The following AHNAK variants were observed in gnomAD, a reference collection of about 807,000 sequenced individuals.
AHNAK encodes neuroblast differentiation-associated protein AHNAK.
AHNAK carries 23 observed loss-of-function variants against 37.8 expected under a neutral mutation model. The ratio of observed to expected loss-of-function variants is 0.61; its 90% CI spans 0.44 to 0.86. AHNAK has a LOEUF of 0.86. Ranked by LOEUF, AHNAK falls within the 40% of genes least tolerant of loss-of-function variation. The pLI is 0.00. For synonymous variants in AHNAK, 2,481 were observed against 2,636.3 expected (o/e 0.94, Z 1.80); for missense variants, 7,411 against 7,319.4 (o/e 1.01, Z -0.46).
At chr11:62,509,557 A>G (rs11231123) in intron 4 of AHNAK, among the ~76,000 whole-genome samples, 7,536 of 152,104 alleles carry the variant, frequency 0.05, 624 homozygotes, top group African/African-American at 0.17. Flanking sequence ...TCTCAAAAAA[A>G]AAAGAAAGAA....
chr11:62,462,187 C>T (rs1287375375), intron 5 of AHNAK, among the ~76,000 whole-genome samples: 1 of 152,140 alleles, frequency 6.6e-6, no homozygotes, highest in African/African-American at 2.4e-5. Flanking sequence ...AACTTTCCCT[C>T]TCTCACCACA....
At chr11:62,543,477 C>T (rs1342315663) in intron 1 of AHNAK, among the ~76,000 whole-genome samples, 1 of 152,194 alleles carries the variant, frequency 6.6e-6, no homozygotes, top group Non-Finnish European at 1.5e-5. Context: ...GTCACAAGGA[C>T]CTAAAGCCAC....
chr11:62,520,786 A>G lies in AHNAK; in HGVS notation c.13631T>C (p.Leu4544Pro). 3 of 1,613,980 alleles carry G rather than the reference A, an allele frequency of 1.9e-6. No homozygotes were observed. Among genetic ancestry groups the G allele is most frequent in the Non-Finnish European group, 2.5e-6 (3 of 1,179,976 alleles). Residue 4544 changes from leucine to proline, a missense_variant, in exon 5 of 5, where the codon CTG becomes CCG. Transcript: ENST00000378024. Reference sequence around the variant, plus strand: ...TTTGGGACCTTTCAGATCTCCCTCCAGTTTAGGAACGGAAATGTCCATATC... The same window carrying G: ...TTTGGGACCTTTCAGATCTCCCTCCGGTTTAGGAACGGAAATGTCCATATC... ...KGDMDISVPK[L>P]EGDLKGPKVD...
rs147888700 is a variant in AHNAK, at chr11:62,483,238, CT to C, written c.442+8493del. Among the ~76,000 whole-genome samples the C allele has an allele frequency of 4.7e-3, 718 of 152,246 alleles. 5 individuals are homozygous for C. Among genetic ancestry groups the C allele is most frequent in the African/African-American group, 0.016 (682 of 41,518 alleles). On this transcript the variant is annotated intron_variant, in intron 5 of 5. Transcript: ENST00000257247. ...GGCCTTCTGCTTTACCAGAAGAATG[CT>C]GCAGGCTCATGAATCAATCAGTTCA...
Position 62,530,766 on chromosome 11 carries a change from C to A in AHNAK, c.3651G>T (p.Val1217=). ...PKVKGDVDVS[V]PKVEGEMKVP... ...CTTTCATTTCACCTTCTACCTTGGG[C>A]ACAGACACATCCACATCCCCTTTGA... Residue 1217 remains valine (V), a synonymous_variant, in exon 5 of 5, where the codon GTG becomes GTT. Coordinates refer to ENST00000378024, the MANE Select transcript of AHNAK (RefSeq NM_001620.3). 4 of 1,613,792 alleles carry A rather than the reference C, an allele frequency of 2.5e-6. No individual in the cohort carries two copies. Among genetic ancestry groups the A allele is most frequent in the Non-Finnish European group, 2.5e-6 (3 of 1,179,976 alleles).
chr11:62,511,347 G>T (rs970374659), downstream of AHNAK, among the ~76,000 whole-genome samples: 7 of 151,936 alleles, frequency 4.6e-5, no homozygotes, highest in Non-Finnish European at 1.0e-4. Context: ...CTGTCTCCCA[G>T]GTTCAAATGA....
chr11:62,454,412 C>CAAAAAAAAAAAAAAA (rs5792260), intron 5 of AHNAK, among the ~76,000 whole-genome samples: 1 of 126,138 alleles, frequency 7.9e-6, no homozygotes, highest in African/African-American at 2.8e-5. Flanking sequence ...GACTCCATCT[C>CAAAAAAAAAAAAAAA]AAAAAAAAAA....
intron 5 of AHNAK, among the ~76,000 whole-genome samples, chr11:62,485,750 T>G (rs112881721): frequency 6.9e-6 from 1 of 144,932 alleles, no homozygotes; most frequent in Non-Finnish European, 1.5e-5. Flanking sequence ...GAGTGGTGGC[T>G]CATGCCTGTA....
intron 5 of AHNAK, among the ~76,000 whole-genome samples, chr11:62,481,764 A>G (rs760784277): frequency 7.9e-5 from 12 of 151,398 alleles, no homozygotes; most frequent in Non-Finnish European, 1.8e-4. Flanking sequence ...TTTTTAGTAG[A>G]GACGGGGTTT....
Position 62,521,304 on chromosome 11 carries a change from T to C in AHNAK, c.13113A>G (p.Pro4371=), listed in dbSNP as rs1174647838. The C allele has an allele frequency of 6.2e-7, 1 of 1,610,366 alleles. No individual in the cohort carries two copies. Among genetic ancestry groups the C allele is most frequent in the South Asian group, 1.1e-5 (1 of 90,874 alleles). The stretch of plus-strand genomic sequence containing the variant: ...TGTTCATCTCTGGCATCTTGAACTT[T>C]GGACCCTTGAGTTTTGCATCTGGAC... ...IEGPDAKLKG[P]KFKMPEMNIK... The change falls in exon 5 of 5, where the codon CCA becomes CCG. Residue 4371 remains proline (P), a synonymous_variant. Transcript: ENST00000378024.
chr11:62,448,146 A>G (rs1421666805), intron 5 of AHNAK, among the ~76,000 whole-genome samples: 2 of 152,072 alleles, frequency 1.3e-5, no homozygotes, highest in Non-Finnish European at 2.9e-5. Flanking sequence ...TGGGGACCAA[A>G]AGGAAGCCAG....
chr11:62,470,418 C>A (rs553351285), intron 5 of AHNAK, among the ~76,000 whole-genome samples: 1 of 26,784 alleles, frequency 3.7e-5, no homozygotes, highest in East Asian at 3.7e-4. Flanking sequence ...TGCACTCCAG[C>A]CTGGGTGACA....
At chr11:62,475,722 A>G (rs1354281574) in intron 5 of AHNAK, among the ~76,000 whole-genome samples, 1 of 145,458 alleles carries the variant, frequency 6.9e-6, no homozygotes, top group Admixed American at 7.2e-5. Context: ...CTCCTGCCCC[A>G]GCCTCCCAAG....
In AHNAK at chr11:62,531,368, C is replaced by G; in HGVS notation, c.3049G>C (p.Glu1017Gln). 1 of 1,614,054 alleles carries G rather than the reference C, an allele frequency of 6.2e-7. No homozygotes were observed. Among genetic ancestry groups the G allele is most frequent in the South Asian group, 1.1e-5 (1 of 91,076 alleles). Reference sequence around the variant, plus strand: ...GCTTTGGACAGGTTCACATCAAATTCTGGCCCCTCTCCTTTGAGGCTGGGC... The same window carrying G: ...GCTTTGGACAGGTTCACATCAAATTGTGGCCCCTCTCCTTTGAGGCTGGGC... ...SMPSLKGEGP[E>Q]FDVNLSKANV... The change falls in exon 5 of 5, where the codon GAA (glutamate) becomes CAA (glutamine). Residue 1017 changes from glutamate to glutamine, a missense_variant. Physicochemically the swap from Glu to Gln is conservative, Grantham distance 29 (BLOSUM62 2). Coordinates refer to ENST00000378024, the MANE Select transcript of AHNAK (RefSeq NM_001620.3).
At chr11:62,541,560 G>A (rs1388110091) in intron 1 of AHNAK, among the ~76,000 whole-genome samples, 1 of 152,044 alleles carries the variant, frequency 6.6e-6, no homozygotes, top group East Asian at 1.9e-4. Context: ...TCAACAGGAG[G>A]CAAAGAGGAA....
intron 4 of AHNAK, among the ~76,000 whole-genome samples, chr11:62,505,754 C>G (rs1288906830): frequency 6.6e-6 from 1 of 151,494 alleles, no homozygotes; most frequent in African/African-American, 2.4e-5. Context: ...CACACCTCCC[C>G]CTACTCTCCA....
chr11:62,471,007 T>C (rs1939024959), intron 5 of AHNAK, among the ~76,000 whole-genome samples: 1 of 151,480 alleles, frequency 6.6e-6, no homozygotes. Flanking sequence ...TGAAAGAACG[T>C]CAGATTTTAT....
At chr11:62,460,913 C>T (rs1435324961) in intron 5 of AHNAK, among the ~76,000 whole-genome samples, 2 of 151,750 alleles carry the variant, frequency 1.3e-5, no homozygotes, top group Non-Finnish European at 2.9e-5. Flanking sequence ...CTCCGCCTCC[C>T]GGGTTCACGC....
chr11:62,523,088 G>T lies in AHNAK; in HGVS notation c.11329C>A (p.Pro3777Thr), dbSNP rs1940328701. Residue 3777 changes from proline to threonine, a missense_variant, in exon 5 of 5, where the codon CCT becomes ACT. Transcript: ENST00000378024. ...TTGGGGCCCTTGATGTCAACTTCAGGACCCTTGAGGTCACCTTCCATTTTG... is the reference window on the plus strand; with the variant it reads ...TTGGGGCCCTTGATGTCAACTTCAGTACCCTTGAGGTCACCTTCCATTTTG... Reference protein sequence around the residue: ...LPKMEGDLKGPEVDIKGPKVD... With the variant: ...LPKMEGDLKGTEVDIKGPKVD... 2 of 1,613,772 alleles carry T rather than the reference G, an allele frequency of 1.2e-6. No individual in the cohort carries two copies. Among genetic ancestry groups the T allele is most frequent in the South Asian group, 2.2e-5 (2 of 91,066 alleles).
Sources: allele counts gnomAD v4.1 joint callset (sites outside exome capture counted in the v4.1 genomes callset), GRCh38; gene constraint gnomAD v4.1.1; transcripts MANE v1.5; gene names NCBI Gene and HGNC (gene_info 2026-07-23, HGNC 2026-07-21).